The following ADAM10 variants were observed in gnomAD, a reference collection of about 807,000 sequenced individuals.
The protein encoded by ADAM10 is disintegrin and metalloproteinase domain-containing protein 10.
Under a neutral mutation model 90.1 loss-of-function variants are expected in ADAM10, and 17 were observed. The ratio of observed to expected loss-of-function variants is 0.19; its 90% CI spans 0.13 to 0.28. The LOEUF is 0.28. ADAM10 is among the 10% of genes least tolerant of loss of function. ADAM10 has a pLI of 1.00. For synonymous variants in ADAM10, 310 were observed against 298.6 expected (o/e 1.04, Z -0.40); for missense variants, 610 against 914.3 (o/e 0.67, Z 4.29).
At chr15:58,725,367 C>A (rs1171670824) in intron 1 of ADAM10, among the ~76,000 whole-genome samples, 4 of 139,102 alleles carry the variant, frequency 2.9e-5, no homozygotes, top group Admixed American at 7.1e-5. Context: ...CTTGTCTCTA[C>A]CAAAAAAAAA....
Position 58,668,697 on chromosome 15 carries a change from T to G in ADAM10, c.485-3500A>C, listed in dbSNP as rs139501517. ...ATTTTTGTTATAGCATTTACCACAT[T>G]TTGACTCTCTATTACTGAAAATTCC... On this transcript the variant is annotated intron_variant, in intron 4 of 15. Transcript: ENST00000260408. 1.5e-3 allele frequency among the ~76,000 whole-genome samples: 226 copies of G among 152,252 alleles called. 1 individual carries two copies. The highest frequency in any genetic ancestry group is 5.0e-3 in the African/African-American group (209 of 41,542).
At chr15:58,663,583 G>T (rs1272816724) in intron 5 of ADAM10, among the ~76,000 whole-genome samples, 1 of 152,068 alleles carries the variant, frequency 6.6e-6, no homozygotes, top group Non-Finnish European at 1.5e-5. Flanking sequence ...CCCATTGAGT[G>T]TTGTGAATAA....
Position 58,700,357 on chromosome 15 carries a change from A to G in ADAM10, c.206+17220T>C, listed in dbSNP as rs185066649. ...ATGTTAGGAAACAAAACGTTTCAAC[A>G]AATTTTTTTAAATAGAAATCATATC... On this transcript the variant is annotated intron_variant, in intron 2 of 15. Coordinates refer to ENST00000260408, the MANE Select transcript of ADAM10 (RefSeq NM_001110.4). Among the ~76,000 whole-genome samples the G allele has an allele frequency of 1.6e-4, 25 of 152,364 alleles. No homozygotes were observed. In the East Asian group the frequency reaches 4.6e-3, roughly 28 times the overall value.
chr15:58,695,251 T>C (rs1595628617), intron 2 of ADAM10, among the ~76,000 whole-genome samples: 1 of 152,266 alleles, frequency 6.6e-6, no homozygotes, highest in African/African-American at 2.4e-5. Flanking sequence ...GCTACTGCTG[T>C]TAAGTAATCA....
intron 14 of ADAM10, among the ~76,000 whole-genome samples, chr15:58,605,042 T>C (rs938709872): frequency 6.6e-6 from 1 of 152,212 alleles, no homozygotes; most frequent in East Asian, 1.9e-4. Context: ...ACCTGGCCTA[T>C]AGATTTAAAT....
chr15:58,647,432 G>C (rs1240567070), intron 5 of ADAM10, among the ~76,000 whole-genome samples: 1 of 150,882 alleles, frequency 6.6e-6, no homozygotes, highest in Non-Finnish European at 1.5e-5. Flanking sequence ...GGCTAATTTT[G>C]TTTCTGAATT....
At chr15:58,601,148 T>C (rs1409968348) in intron 14 of ADAM10, among the ~76,000 whole-genome samples, 1 of 152,138 alleles carries the variant, frequency 6.6e-6, no homozygotes, top group Admixed American at 6.5e-5. Context: ...GCAAGTACAA[T>C]TCAAAAGTTC....
intron 2 of ADAM10, among the ~76,000 whole-genome samples, chr15:58,707,037 TAAAAAG>T (rs1244507824): frequency 5.0e-5 from 6 of 120,124 alleles, no homozygotes; most frequent in Non-Finnish European, 8.8e-5. Context: ...AAAGAAAAGA[TAAAAAG>T]AAAAAGAAAA....
Position 58,673,788 on chromosome 15 carries a change from G to A in ADAM10, c.484+5336C>T, listed in dbSNP as rs1467726516. Among the ~76,000 whole-genome samples the A allele has an allele frequency of 5.3e-5, 8 of 151,334 alleles. No individual in the cohort carries two copies. The East Asian group carries it at 1.6e-3, about 30-fold the overall frequency. On this transcript the variant is annotated intron_variant, in intron 4 of 15. Transcript: ENST00000260408. ...CTCACTCTGTCGCCCAGGCTGGAGT[G>A]CAGTGGCATGATCTCGGCTCACTGC...
intron 2 of ADAM10, among the ~76,000 whole-genome samples, chr15:58,704,564 T>A (rs983088932): frequency 1.3e-5 from 2 of 152,170 alleles, no homozygotes; most frequent in African/African-American, 4.8e-5. Context: ...ACAATAAAAA[T>A]AAATTTTTAA....
At chr15:58,745,881 T>G (rs908523130) in intron 1 of ADAM10, among the ~76,000 whole-genome samples, 15 of 152,220 alleles carry the variant, frequency 9.9e-5, no homozygotes, top group African/African-American at 3.6e-4. Context: ...CCCACTAGTA[T>G]CTGGATTTCC....
At chr15:58,745,588 A>G (rs1471802370) in intron 1 of ADAM10, among the ~76,000 whole-genome samples, 1 of 152,240 alleles carries the variant, frequency 6.6e-6, no homozygotes, top group African/African-American at 2.4e-5. Context: ...CTTTTTAAAC[A>G]AATCTTTAAG....
chr15:58,593,275 G>A lies in ADAM10; in HGVS notation c.*4272C>T, dbSNP rs1209518250. On this transcript the variant is annotated 3_prime_UTR_variant, in exon 16 of 16. Transcript: ENST00000260408. ...GCTCACTGCAGCCTCTGCCTCCTGGGTTCAAGCAAATCTCCTGCCTCTGCC... is the reference window on the plus strand; with the variant it reads ...GCTCACTGCAGCCTCTGCCTCCTGGATTCAAGCAAATCTCCTGCCTCTGCC... The A allele has an allele frequency of 4.9e-5, 7 of 142,958 alleles. No homozygotes were observed. The highest frequency in any genetic ancestry group is 1.3e-4 in the African/African-American group (5 of 38,550). The allele number at this position is 142,958 out of a possible 1,614,324, so 8.9% of individuals were successfully genotyped here.
At chr15:58,671,702 G>C (rs768219597) in intron 4 of ADAM10, among the ~76,000 whole-genome samples, 17 of 152,022 alleles carry the variant, frequency 1.1e-4, no homozygotes, top group Admixed American at 3.3e-4. Context: ...GTGAGACCTC[G>C]TCTCTATTAA....
Position 58,591,547 on chromosome 15 carries a change from G to A in ADAM10, c.*6000C>T, listed in dbSNP as rs911427614. 2.4e-4 allele frequency: 37 copies of A among 152,044 alleles called. No homozygotes were observed. The highest frequency in any genetic ancestry group is 8.2e-4 in the African/African-American group (34 of 41,372). 9.4% of individuals were successfully genotyped at this position (152,044 alleles called of 1,614,324 possible). On this transcript the variant is annotated 3_prime_UTR_variant, in exon 16 of 16. Coordinates refer to ENST00000260408, the MANE Select transcript of ADAM10 (RefSeq NM_001110.4). ...CAAAGTGTTGGGATTACAGGTATGA[G>A]CCATCACAACTGGCCACATTTTAAA...
At chr15:58,729,751 G>T (rs1421490593) in intron 1 of ADAM10, among the ~76,000 whole-genome samples, 1 of 152,116 alleles carries the variant, frequency 6.6e-6, no homozygotes, top group East Asian at 1.9e-4. Context: ...ATCACTTGAG[G>T]TCAGGAGTTT....
chr15:58,611,196 A>G (rs1312452490), intron 12 of ADAM10, 89 bp from the exon 13 acceptor site: 6 of 886,894 alleles, frequency 6.8e-6, no homozygotes, highest in Non-Finnish European at 9.4e-6. Context: ...TGAGCTTCCA[A>G]TGTCAAAATA....
chr15:58,687,736 C>A (rs1897644283), intron 2 of ADAM10, among the ~76,000 whole-genome samples: 2 of 151,982 alleles, frequency 1.3e-5, no homozygotes, highest in African/African-American at 4.8e-5. Flanking sequence ...AAGGAACAAA[C>A]TATTGATAAA....
chr15:58,744,048 C>T (rs939300055), intron 1 of ADAM10, among the ~76,000 whole-genome samples: 2 of 152,182 alleles, frequency 1.3e-5, no homozygotes, highest in Non-Finnish European at 2.9e-5. Flanking sequence ...CACGATCTAT[C>T]TGCAACCTAA....
Sources: allele counts gnomAD v4.1 joint callset (sites outside exome capture counted in the v4.1 genomes callset), GRCh38; gene constraint gnomAD v4.1.1; transcripts MANE v1.5; gene names NCBI Gene and HGNC (gene_info 2026-07-23, HGNC 2026-07-21).